The following TBC1D32 variants were observed in gnomAD, a reference collection of about 807,000 sequenced individuals.
The protein encoded by TBC1D32 is protein broad-minded.
In TBC1D32, 151 loss-of-function variants were observed where a neutral mutation model predicts 170.3. The ratio of observed to expected loss-of-function variants is 0.89; its 90% CI spans 0.78 to 1.01. TBC1D32 has a LOEUF of 1.01. TBC1D32 is among the 50% of genes least tolerant of loss of function. The pLI is 0.00. For missense variants in TBC1D32, 1,464 were observed against 1,457.1 expected (o/e 1.00, Z -0.08); for synonymous variants, 498 against 488.0 (o/e 1.02, Z -0.27).
chr6:121,307,492 A>C (rs1251588924), intron 5 of TBC1D32, among the ~76,000 whole-genome samples: 1 of 152,240 alleles, frequency 6.6e-6, no homozygotes, highest in East Asian at 1.9e-4. Context: ...CTCTAATCAC[A>C]AAATTTTGTT....
intron 24 of TBC1D32, among the ~76,000 whole-genome samples, chr6:121,156,017 A>G (rs567878008): frequency 3.3e-5 from 5 of 151,880 alleles, no homozygotes; most frequent in Non-Finnish European, 5.9e-5. Flanking sequence ...TCAGGATAAT[A>G]TTGGCTTTGT....
At chr6:121,109,482 A>T (rs1308839962) in intron 29 of TBC1D32, among the ~76,000 whole-genome samples, 1 of 152,136 alleles carries the variant, frequency 6.6e-6, no homozygotes. Context: ...TATGATCACT[A>T]CTTTAATTTA....
intron 1 of TBC1D32, among the ~76,000 whole-genome samples, chr6:121,329,799 G>A (rs1452801694): frequency 6.6e-6 from 1 of 151,940 alleles, no homozygotes; most frequent in Non-Finnish European, 1.5e-5. Flanking sequence ...AAAATAGGCT[G>A]TATTTTAGAA....
intron 19 of TBC1D32, among the ~76,000 whole-genome samples, chr6:121,240,065 T>C (rs76266921): frequency 0.016 from 2,475 of 152,240 alleles, 42 homozygotes; most frequent in African/African-American, 0.045. Flanking sequence ...TAATCCAAGG[T>C]TGCCATGAAG....
intron 17 of TBC1D32, among the ~76,000 whole-genome samples, chr6:121,244,206 T>C (rs117103464): frequency 0.024 from 3,639 of 151,934 alleles, 160 homozygotes; most frequent in East Asian, 0.12. Flanking sequence ...TAAATAAATA[T>C]ACAAGTAAAA....
intron 1 of TBC1D32, among the ~76,000 whole-genome samples, chr6:121,329,325 G>C (rs4395765): frequency 6.6e-6 from 1 of 151,938 alleles, no homozygotes; most frequent in Non-Finnish European, 1.5e-5. Context: ...GTACAAGTTT[G>C]TTTCAAAAAA....
At chr6:121,321,339 C>T (rs766229358) in intron 2 of TBC1D32, among the ~76,000 whole-genome samples, 1 of 152,094 alleles carries the variant, frequency 6.6e-6, no homozygotes, top group Non-Finnish European at 1.5e-5. Context: ...GCAGGCAAGA[C>T]CACAGTGGCT....
intron 21 of TBC1D32, among the ~76,000 whole-genome samples, chr6:121,211,272 C>T (rs1194809782): frequency 6.6e-6 from 1 of 152,094 alleles, no homozygotes. Flanking sequence ...GGCTATATTT[C>T]ACTTACATCT....
chr6:121,269,769 A>ACATCTACAGAACTCT (rs1288260328), intron 15 of TBC1D32, among the ~76,000 whole-genome samples: 21 of 152,312 alleles, frequency 1.4e-4, no homozygotes, highest in African/African-American at 5.1e-4. Context: ...GACCTAATAG[A>ACATCTACAGAACTCT]CATCTACAGA....
At chr6:121,169,542 C>T (rs918216478) in intron 22 of TBC1D32, among the ~76,000 whole-genome samples, 9 of 152,120 alleles carry the variant, frequency 5.9e-5, no homozygotes, top group African/African-American at 1.9e-4. Flanking sequence ...AATTTTACTG[C>T]ATTTAAAGAA....
chr6:121,122,860 T>C (rs1780414793), intron 26 of TBC1D32, among the ~76,000 whole-genome samples: 2 of 151,984 alleles, frequency 1.3e-5, no homozygotes, highest in South Asian at 4.1e-4. Context: ...AAGAGTTTAG[T>C]GTTCTGCATG....
intron 21 of TBC1D32, among the ~76,000 whole-genome samples, chr6:121,211,284 G>C (rs1488902869): frequency 6.6e-6 from 1 of 152,146 alleles, no homozygotes; most frequent in Non-Finnish European, 1.5e-5. Context: ...CTTACATCTA[G>C]AGGGAAAGAA....
chr6:121,303,733 A>G lies in TBC1D32; in HGVS notation c.964T>C (p.Leu322=). 1.3e-6 allele frequency: 2 copies of G among 1,565,548 alleles called. No homozygotes were observed. The change falls in exon 9 of 32, where the codon TTG becomes CTG. Residue 322 remains leucine (L), a synonymous_variant. Coordinates refer to ENST00000398212, the MANE Select transcript of TBC1D32 (RefSeq NM_152730.6). ...TTATGTTTAACTGTTAACAAGGACA[A>G]AGTACTCTCCACAATTTCTTCCATA... is the stretch of plus-strand genomic sequence containing the variant. The part of the protein sequence containing the change: ...KYMEEIVEST[L]SLLTVKHNQS...
chr6:121,162,593 G>A (rs985246660), intron 22 of TBC1D32, among the ~76,000 whole-genome samples: 2 of 152,096 alleles, frequency 1.3e-5, no homozygotes, highest in Non-Finnish European at 2.9e-5. Context: ...CATTCAAACA[G>A]AAAGAGAGGA....
chr6:121,289,780 G>A (rs917366989), intron 12 of TBC1D32, among the ~76,000 whole-genome samples: 16 of 127,130 alleles, frequency 1.3e-4, no homozygotes, highest in Middle Eastern at 4.1e-3. Context: ...AAAACAGCAT[G>A]GTACTGGTAC....
intron 21 of TBC1D32, among the ~76,000 whole-genome samples, chr6:121,219,995 T>C (rs996280326): frequency 6.6e-6 from 1 of 152,212 alleles, no homozygotes; most frequent in Non-Finnish European, 1.5e-5. Flanking sequence ...TTGTTCTGAT[T>C]GTTCCACCAA....
At chr6:121,184,713 C>A (rs921742749) in intron 22 of TBC1D32, among the ~76,000 whole-genome samples, 1 of 151,704 alleles carries the variant, frequency 6.6e-6, no homozygotes, top group African/African-American at 2.4e-5. Context: ...TGACAAGGTG[C>A]AATACGAGAT....
At chr6:121,156,831 C>T (rs1784954930) in intron 24 of TBC1D32, among the ~76,000 whole-genome samples, 1 of 152,004 alleles carries the variant, frequency 6.6e-6, no homozygotes, top group Non-Finnish European at 1.5e-5. Flanking sequence ...TTTGAGAAAT[C>T]TTCTTAGTAT....
At chr6:121,291,476 T>C (rs1804860874) in intron 12 of TBC1D32, among the ~76,000 whole-genome samples, 1 of 152,212 alleles carries the variant, frequency 6.6e-6, no homozygotes. Context: ...CCCTGCCATA[T>C]ACTATATTCT....
Sources: gnomAD v4.1 joint callset for allele counts (sites outside exome capture counted in the v4.1 genomes callset) on GRCh38, gnomAD v4.1.1 for gene constraint, MANE v1.5 for transcripts, NCBI Gene and HGNC (gene_info 2026-07-23, HGNC 2026-07-21) for gene names.